The following CDH12 variants were observed in gnomAD, a reference collection of about 807,000 sequenced individuals.
CDH12 encodes cadherin 12.
CDH12 carries 41 observed loss-of-function variants against 74.1 expected under a neutral mutation model. The observed-to-expected ratio is 0.55, with a 90% confidence interval of 0.43 to 0.72. The LOEUF (loss-of-function observed/expected upper bound fraction) is 0.72. Among genes scored for constraint, CDH12 ranks in the 30% least tolerant of loss-of-function variants. The pLI is 0.00. For synonymous variants in CDH12, 399 were observed against 355.0 expected, an observed-to-expected ratio of 1.12 and a Z score of -1.39; for missense variants, 945 against 977.2, an observed-to-expected ratio of 0.97 and a Z score of 0.44.
At chr5:22,459,743 G>C in intron 2 of CDH12, among the ~76,000 whole-genome samples, 1 of 152,086 alleles carries the variant, frequency 6.6e-6, no homozygotes, top group East Asian at 1.9e-4. Context: ...GAGGCGGGTG[G>C]ATCATGAGGT....
chr5:21,922,768 G>T (rs1754410201), intron 6 of CDH12, among the ~76,000 whole-genome samples: 3 of 151,974 alleles, frequency 2.0e-5, no homozygotes, highest in South Asian at 4.1e-4. Flanking sequence ...GAGAGACTAA[G>T]ATATAGAAAA....
intron 6 of CDH12, among the ~76,000 whole-genome samples, chr5:21,894,271 CAGG>C (rs1753020696): frequency 6.6e-6 from 1 of 150,426 alleles, no homozygotes. Flanking sequence ...CCCAGTTACT[CAGG>C]AGGCTGAGAC....
chr5:22,655,465 A>C (rs1040154963), intron 1 of CDH12, among the ~76,000 whole-genome samples: 2 of 152,222 alleles, frequency 1.3e-5, no homozygotes, highest in African/African-American at 4.8e-5. Flanking sequence ...TGTAATCTCC[A>C]CACCATCTTC....
intron 3 of CDH12, among the ~76,000 whole-genome samples, chr5:22,382,345 C>A (rs1741802470): frequency 6.7e-6 from 1 of 149,760 alleles, no homozygotes; most frequent in Non-Finnish European, 1.5e-5. Context: ...ACATATATTT[C>A]TCTTGCTATA....
chr5:22,534,217 CG>C (rs1389193755), intron 1 of CDH12, among the ~76,000 whole-genome samples: 1 of 151,370 alleles, frequency 6.6e-6, no homozygotes. Flanking sequence ...TTTTTATTTC[CG>C]TAGGTTATTG....
At chr5:22,597,204 A>G (rs1736645041) in intron 1 of CDH12, among the ~76,000 whole-genome samples, 1 of 152,118 alleles carries the variant, frequency 6.6e-6, no homozygotes, top group Non-Finnish European at 1.5e-5. Flanking sequence ...ATTTTTACAT[A>G]TTTTCTTCCT....
intron 1 of CDH12, among the ~76,000 whole-genome samples, chr5:22,732,000 G>T (rs918526572): frequency 3.3e-5 from 5 of 151,762 alleles, no homozygotes; most frequent in Admixed American, 6.6e-5. Context: ...AGAAACTAAG[G>T]GTTGAACTGT....
intron 4 of CDH12, among the ~76,000 whole-genome samples, chr5:22,178,060 A>G (rs1749437538): frequency 6.6e-6 from 1 of 152,190 alleles, no homozygotes; most frequent in Non-Finnish European, 1.5e-5. Flanking sequence ...CCTCACTGGC[A>G]TGTATCCACA....
At position 22,338,855 on chromosome 5, in the gene CDH12, G is replaced by A. The variant is rs539878335; in HGVS notation, c.-333+66402C>T. Among the ~76,000 whole-genome samples the A allele has an allele frequency of 9.2e-5, 14 of 152,302 alleles. No individual in the cohort carries two copies. In the East Asian group the frequency reaches 2.1e-3, roughly 23 times the overall value. On this transcript the variant is annotated intron_variant, in intron 3 of 14. Coordinates refer to ENST00000382254, the MANE Select transcript of CDH12 (RefSeq NM_004061.5). ...CTTTGAAGAAGTAAGCTCCTATGTTGTCAGATGGCTGAGTAGGACAATGTG... is the reference window on the plus strand; with the variant it reads ...CTTTGAAGAAGTAAGCTCCTATGTTATCAGATGGCTGAGTAGGACAATGTG...
At chr5:22,400,228 G>T (rs1561374879) in intron 3 of CDH12, among the ~76,000 whole-genome samples, 1 of 151,514 alleles carries the variant, frequency 6.6e-6, no homozygotes, top group Non-Finnish European at 1.5e-5. Flanking sequence ...ATTGGATGTT[G>T]TTTTTTTTAT....
intron 6 of CDH12, among the ~76,000 whole-genome samples, chr5:21,867,069 G>C (rs1417034993): frequency 6.6e-6 from 1 of 152,100 alleles, no homozygotes; most frequent in Non-Finnish European, 1.5e-5. Flanking sequence ...AAGAATTGAG[G>C]CTTGGGCCAG....
At chr5:21,834,663 A>C (rs1021414490) in intron 8 of CDH12, among the ~76,000 whole-genome samples, 5 of 151,982 alleles carry the variant, frequency 3.3e-5, no homozygotes, top group African/African-American at 4.8e-5. Context: ...TTGAAACATT[A>C]ACATATCATG....
chr5:21,833,155 TAA>T (rs1222142668), intron 8 of CDH12, among the ~76,000 whole-genome samples: 2 of 57,104 alleles, frequency 3.5e-5, no homozygotes, highest in Non-Finnish European at 5.3e-5. Flanking sequence ...ATATAACATA[TAA>T]TATATATTAT....
chr5:22,127,262 G>A (rs562749028), intron 4 of CDH12, among the ~76,000 whole-genome samples: 1 of 152,142 alleles, frequency 6.6e-6, no homozygotes, highest in African/African-American at 2.4e-5. Flanking sequence ...GGGGGGCCGA[G>A]AGGTCAGGAG....
intron 1 of CDH12, among the ~76,000 whole-genome samples, chr5:22,690,740 C>A (rs1046381277): frequency 3.9e-5 from 6 of 152,090 alleles, no homozygotes; most frequent in African/African-American, 1.2e-4. Context: ...TGTTACTTAC[C>A]TTTAGGGGTA....
At chr5:22,838,894 T>C (rs1736959235) in intron 1 of CDH12, among the ~76,000 whole-genome samples, 1 of 152,002 alleles carries the variant, frequency 6.6e-6, no homozygotes, top group Non-Finnish European at 1.5e-5. Context: ...CCCAGGCTGG[T>C]CTTGAACTCT....
intron 6 of CDH12, among the ~76,000 whole-genome samples, chr5:21,945,762 AT>A (rs1186995034): frequency 6.6e-6 from 1 of 151,810 alleles, no homozygotes; most frequent in Non-Finnish European, 1.5e-5. Context: ...TAAAAAAAAA[AT>A]TTAACAGCAT....
chr5:22,204,233 T>A (rs1238785856), intron 4 of CDH12, among the ~76,000 whole-genome samples: 2 of 150,790 alleles, frequency 1.3e-5, no homozygotes, highest in Non-Finnish European at 3.0e-5. Context: ...CGTGCAGTGG[T>A]GCGATCTCAG....
intron 1 of CDH12, among the ~76,000 whole-genome samples, chr5:22,544,771 T>A (rs1023735010): frequency 6.6e-6 from 1 of 151,698 alleles, no homozygotes; most frequent in Non-Finnish European, 1.5e-5. Flanking sequence ...GAATTGATAT[T>A]GCACCACTGT....
Sources: allele counts gnomAD v4.1 joint callset (sites outside exome capture counted in the v4.1 genomes callset), GRCh38; gene constraint gnomAD v4.1.1; transcripts MANE v1.5; gene names NCBI Gene and HGNC (gene_info 2026-07-23, HGNC 2026-07-21).